The following B3GALT1 variants were observed in gnomAD, a reference collection of about 807,000 sequenced individuals.
B3GALT1 encodes the protein UDP-Gal:betaGlcNAc beta 1,3-galactosyltransferase, polypeptide 1.
Under a neutral mutation model 23.2 loss-of-function variants are expected in B3GALT1, and 10 were observed. The ratio of observed to expected loss-of-function variants is 0.43; its 90% confidence interval spans 0.27 to 0.73. The LOEUF (loss-of-function observed/expected upper bound fraction) is 0.73, where lower values mean the gene tolerates loss of function less well. Ranked by LOEUF, B3GALT1 falls within the 30% of genes least tolerant of loss-of-function variation. The pLI, the probability that B3GALT1 is intolerant of heterozygous loss-of-function variation, is 0.21. For synonymous variants in B3GALT1, 156 were observed against 141.5 expected (o/e 1.10, Z -0.73); for missense variants, 299 against 405.4 (o/e 0.74, Z 2.25).
At chr2:167,525,410 A>C (rs984491401) in intron 2 of B3GALT1, among the ~76,000 whole-genome samples, 5 of 152,216 alleles carry the variant, frequency 3.3e-5, no homozygotes, top group African/African-American at 1.2e-4. Context: ...ACAATATTTT[A>C]ATAAACTTAT....
intron 1 of B3GALT1, among the ~76,000 whole-genome samples, chr2:167,392,789 CTT>C (rs1338328079): frequency 6.6e-6 from 1 of 152,026 alleles, no homozygotes; most frequent in East Asian, 1.9e-4. Context: ...ATTTATTTGA[CTT>C]ATATTATAAT....
At chr2:167,659,690 G>A (rs1686022137) in intron 3 of B3GALT1, among the ~76,000 whole-genome samples, 1 of 152,070 alleles carries the variant, frequency 6.6e-6, no homozygotes, top group African/African-American at 2.4e-5. Context: ...AGCCACTCCA[G>A]TTGTAAAATA....
chr2:167,363,189 C>G (rs548576440), intron 1 of B3GALT1, among the ~76,000 whole-genome samples: 1 of 151,350 alleles, frequency 6.6e-6, no homozygotes, highest in South Asian at 2.1e-4. Context: ...AGTATGCCAA[C>G]TTTAACTGTG....
intron 3 of B3GALT1, among the ~76,000 whole-genome samples, chr2:167,727,743 G>T (rs1687341236): frequency 6.6e-6 from 1 of 152,102 alleles, no homozygotes; most frequent in African/African-American, 2.4e-5. Flanking sequence ...TCTTTATCAA[G>T]ACATCTTTCT....
At chr2:167,785,996 C>T (rs918043156) in intron 3 of B3GALT1, among the ~76,000 whole-genome samples, 5 of 152,178 alleles carry the variant, frequency 3.3e-5, no homozygotes, top group South Asian at 2.1e-4. Flanking sequence ...ATGGGTGCTA[C>T]GTTGAAAGCA....
At position 167,360,868 on chromosome 2, in the gene B3GALT1, C is replaced by T. The variant is rs188599298; in HGVS notation, c.-511+67534C>T. Among the ~76,000 whole-genome samples the T allele has an allele frequency of 3.4e-3, 512 of 152,242 alleles. 4 individuals carry two copies. The highest frequency in any genetic ancestry group is 0.01 in the Middle Eastern group (3 of 294). On this transcript the variant is annotated intron_variant, in intron 1 of 4. Transcript: ENST00000392690. ...CCAGCTCTCCAATGCCTCTTCCTTT[C>T]CCTCTCCAGCCTCTGGTAACCATCA...
chr2:167,793,191 G>A (rs139434242), intron 3 of B3GALT1, among the ~76,000 whole-genome samples: 1 of 152,100 alleles, frequency 6.6e-6, no homozygotes, highest in Non-Finnish European at 1.5e-5. Context: ...GCAGGCACAG[G>A]ATAGTGCCCA....
chr2:167,628,410 T>A (rs1685383117), intron 2 of B3GALT1, among the ~76,000 whole-genome samples: 1 of 149,108 alleles, frequency 6.7e-6, no homozygotes, highest in African/African-American at 2.6e-5. Flanking sequence ...GTAGTACCAT[T>A]CAATAAAAAC....
rs71395297 is a variant in B3GALT1 at position 167,579,432 on chromosome 2, C to CTTTTTTTTTT, written c.-409-67471_-409-67462dup. Among the ~76,000 whole-genome samples the CTTTTTTTTTT allele has an allele frequency of 1.1e-4, 12 of 109,026 alleles. 1 individual carries two copies. Among genetic ancestry groups the CTTTTTTTTTT allele is most frequent in the African/African-American group, 2.3e-4 (6 of 26,246 alleles). The allele number at this position is 109,026 out of a possible 152,430, so 71.5% of individuals were successfully genotyped here. On this transcript the variant is annotated intron_variant, in intron 2 of 4. Coordinates refer to ENST00000392690, the MANE Select transcript of B3GALT1 (RefSeq NM_020981.4). ...TGGTTTTGGTTTTGTTTTTTTTTGT[C>CTTTTTTTTTT]TTTTTTTTTTTTTTTCCATTTAAAT...
chr2:167,828,894 T>A (rs1201367548), intron 4 of B3GALT1, among the ~76,000 whole-genome samples: 1 of 152,198 alleles, frequency 6.6e-6, no homozygotes, highest in Non-Finnish European at 1.5e-5. Context: ...GTCCTGTCTC[T>A]AAAATTATCA....
At chr2:167,332,286 A>G (rs962010822) in intron 1 of B3GALT1, among the ~76,000 whole-genome samples, 3 of 152,088 alleles carry the variant, frequency 2.0e-5, no homozygotes, top group Middle Eastern at 3.2e-3. Flanking sequence ...CTTTTATTTT[A>G]TTAGGATCCA....
chr2:167,421,211 A>C (rs1665782613), intron 1 of B3GALT1, among the ~76,000 whole-genome samples: 1 of 152,236 alleles, frequency 6.6e-6, no homozygotes, highest in Non-Finnish European at 1.5e-5. Context: ...AATTAAACTT[A>C]GATAAAATTA....
intron 4 of B3GALT1, among the ~76,000 whole-genome samples, chr2:167,830,931 G>T (rs1009365718): frequency 2.6e-5 from 4 of 152,202 alleles, no homozygotes; most frequent in African/African-American, 9.7e-5. Flanking sequence ...CACACCAGTT[G>T]TAAGAACATG....
intron 3 of B3GALT1, among the ~76,000 whole-genome samples, chr2:167,686,804 G>C (rs1686623376): frequency 6.6e-6 from 1 of 152,068 alleles, no homozygotes; most frequent in Admixed American, 6.6e-5. Flanking sequence ...GCCTAAACTT[G>C]TGGGTACTGA....
At chr2:167,357,323 A>G (rs1188718792) in intron 1 of B3GALT1, among the ~76,000 whole-genome samples, 2 of 152,076 alleles carry the variant, frequency 1.3e-5, no homozygotes, top group East Asian at 3.8e-4. Flanking sequence ...TTGCAAATCC[A>G]GGAGAAAAAA....
chr2:167,668,305 C>G (rs559419138), intron 3 of B3GALT1, among the ~76,000 whole-genome samples: 1 of 152,000 alleles, frequency 6.6e-6, no homozygotes, highest in Non-Finnish European at 1.5e-5. Context: ...GCAGTTTGCC[C>G]GTTCTCAGAT....
chr2:167,525,092 G>A (rs1683198487), intron 2 of B3GALT1, among the ~76,000 whole-genome samples: 1 of 151,984 alleles, frequency 6.6e-6, no homozygotes, highest in South Asian at 2.1e-4. Flanking sequence ...AAAATGGTAG[G>A]TATATTTTCA....
chr2:167,447,505 T>C (rs1366082264), intron 1 of B3GALT1, among the ~76,000 whole-genome samples: 1 of 152,166 alleles, frequency 6.6e-6, no homozygotes, highest in Non-Finnish European at 1.5e-5. Context: ...TGTGGTGGGC[T>C]CCACCCAGTT....
intron 4 of B3GALT1, among the ~76,000 whole-genome samples, chr2:167,847,790 TA>T (rs781692647): frequency 9.9e-5 from 15 of 151,588 alleles, no homozygotes; most frequent in Non-Finnish European, 2.2e-4. Flanking sequence ...ATACAAAAAA[TA>T]AATGAAACAA....
Sources: allele counts gnomAD v4.1 joint callset (sites outside exome capture counted in the v4.1 genomes callset), GRCh38; gene constraint gnomAD v4.1.1; transcripts MANE v1.5; gene names NCBI Gene and HGNC (gene_info 2026-07-23, HGNC 2026-07-21).